Variants in FXN observed in about 807,000 individuals in gnomAD.
The protein encoded by FXN is frataxin, also known as frataxin, mitochondrial.
Under a neutral mutation model 22.4 loss-of-function variants are expected in FXN, and 14 were observed. That is an observed-to-expected ratio of 0.62 (90% confidence interval 0.41 to 0.98). FXN has a LOEUF of 0.98. FXN is among the 50% of genes least tolerant of loss of function. The probability of loss-of-function intolerance (pLI) is 0.00; values close to 1 mark genes in which losing one functional copy is unlikely to be tolerated. For missense variants in FXN, 267 were observed against 268.4 expected (o/e 0.99, Z 0.04); for synonymous variants, 120 against 114.1 (o/e 1.05, Z -0.33).
At chr9:69,051,523 A>G (rs915203306) in intron 2 of FXN, among the ~76,000 whole-genome samples, 1 of 152,136 alleles carries the variant, frequency 6.6e-6, no homozygotes, top group Non-Finnish European at 1.5e-5. Flanking sequence ...CATTTTAGAT[A>G]CAGAAAATTC....
intron 1 of FXN, among the ~76,000 whole-genome samples, chr9:69,045,706 C>CA (rs1282605143): frequency 6.6e-6 from 1 of 152,028 alleles, no homozygotes. Flanking sequence ...GGCCTGGTAC[C>CA]AAAAAAAGTG....
chr9:69,037,261 TAA>T (rs1408508316), intron 1 of FXN, among the ~76,000 whole-genome samples: 1 of 18,880 alleles, frequency 5.3e-5, no homozygotes, highest in Non-Finnish European at 1.2e-4. Context: ...CAGTATCTAC[TAA>T]AAAATACAAA....
At position 69,074,825 on chromosome 9, in the gene FXN, TGA is replaced by T; in HGVS notation, c.*2065_*2066del. 1 of 968,958 alleles carries T rather than the reference TGA, an allele frequency of 1.0e-6. No homozygotes were observed. Among genetic ancestry groups the T allele is most frequent in the Non-Finnish European group, 1.2e-6 (1 of 814,848 alleles). The allele number at this position is 968,958 out of a possible 1,614,324, so 60.0% of individuals were successfully genotyped here. On this transcript the variant is annotated 3_prime_UTR_variant, in exon 5 of 5. Coordinates refer to ENST00000484259, the MANE Select transcript of FXN (RefSeq NM_000144.5). Reference sequence around the variant, plus strand: ...TTTTTTCTGAAATAAAATTATTTTTTGAGTCTGATGGAAATGTTTAAGTGCAG... The same window carrying T: ...TTTTTTCTGAAATAAAATTATTTTTTGTCTGATGGAAATGTTTAAGTGCAG...
intron 3 of FXN, among the ~76,000 whole-genome samples, chr9:69,063,512 A>G (rs1302943144): frequency 2.4e-4 from 37 of 152,302 alleles, no homozygotes; most frequent in Admixed American, 2.4e-3. Context: ...TATTTTTATC[A>G]GTGTCTGCAT....
chr9:69,064,926 C>T lies in FXN; in HGVS notation c.385-12C>T, dbSNP rs1384925303. The T allele has an allele frequency of 3.1e-5, 48 of 1,551,736 alleles. 1 individual carries two copies. The East Asian group carries it at 9.9e-4, about 32-fold the overall frequency. On this transcript the variant is annotated splice_polypyrimidine_tract_variant and intron_variant, in intron 3 of 4. Coordinates refer to ENST00000484259, the MANE Select transcript of FXN (RefSeq NM_000144.5). ...TAATTTCTTTATGCTTTTTTTCCACCTAATCCCCTAGAGTGGTGTCTTAAC... is the reference window on the plus strand; with the variant it reads ...TAATTTCTTTATGCTTTTTTTCCACTTAATCCCCTAGAGTGGTGTCTTAAC...
chr9:69,039,271 G>T (rs941719692), intron 1 of FXN, among the ~76,000 whole-genome samples: 2 of 149,502 alleles, frequency 1.3e-5, no homozygotes, highest in Non-Finnish European at 3.0e-5. Context: ...AAAAAAAAAG[G>T]CTCCTAATAA....
intron 4 of FXN, among the ~76,000 whole-genome samples, chr9:69,069,370 G>A (rs978957009): frequency 6.6e-6 from 1 of 151,434 alleles, no homozygotes; most frequent in Non-Finnish European, 1.5e-5. Flanking sequence ...CTCAAAAAAA[G>A]GAGGAGAAGA....
At chr9:69,048,650 C>T (rs1831800995) in intron 2 of FXN, among the ~76,000 whole-genome samples, 1 of 152,080 alleles carries the variant, frequency 6.6e-6, no homozygotes, top group African/African-American at 2.4e-5. Flanking sequence ...TTTGACTTTC[C>T]ACGTTTGTGC....
In FXN at chr9:69,076,323, G is replaced by A. The variant is rs10781379; in HGVS notation, c.*3561G>A. ...GAGAAGTACTCAGTTCATGACAACT[G>A]TTGTTCTCACATGCATAGCATAATT... On this transcript the variant is annotated 3_prime_UTR_variant, in exon 5 of 5. Transcript: ENST00000484259. The A allele has an allele frequency of 0.47, 464,746 of 984,202 alleles. 110,925 individuals are homozygous for A. Among genetic ancestry groups the A allele is most frequent in the East Asian group, 0.65 (5,707 of 8,782 alleles). The allele number at this position is 984,202 out of a possible 1,614,324, so 61.0% of individuals were successfully genotyped here. A position where few individuals can be genotyped will look rare whatever the true frequency, so the allele number is the denominator to read the frequency against.
At chr9:69,045,845 T>G (rs928817282) in intron 1 of FXN, among the ~76,000 whole-genome samples, 2 of 146,172 alleles carry the variant, frequency 1.4e-5, no homozygotes, top group Non-Finnish European at 1.5e-5. Context: ...CAAGGGCAAG[T>G]GGGGGGGTCC....
intron 1 of FXN, among the ~76,000 whole-genome samples, chr9:69,040,618 A>G (rs2133094600): frequency 6.6e-6 from 1 of 152,300 alleles, no homozygotes; most frequent in South Asian, 2.1e-4. Context: ...CAGTGATCCG[A>G]GATCGTGCCA....
At chr9:69,050,072 A>G (rs1487854016) in intron 2 of FXN, among the ~76,000 whole-genome samples, 1 of 152,204 alleles carries the variant, frequency 6.6e-6, no homozygotes, top group Non-Finnish European at 1.5e-5. Context: ...CCTTCAGAGT[A>G]ACTATTCTGA....
intron 3 of FXN, among the ~76,000 whole-genome samples, chr9:69,059,566 ATT>A (rs34794915): frequency 6.7e-5 from 10 of 148,986 alleles, no homozygotes; most frequent in East Asian, 2.0e-4. Context: ...TGTCCAGCTA[ATT>A]TTTTTTTTTG....
chr9:69,064,994 G>A lies in FXN; in HGVS notation c.441G>A (p.Lys147=). The A allele has an allele frequency of 6.2e-7, 1 of 1,613,860 alleles. No individual in the cohort carries two copies. The highest frequency in any genetic ancestry group is 1.7e-5 in the Admixed American group (1 of 60,010). ...GGDLGTYVIN[K]QTPNKQIWLS... ...ATCTAGGAACCTATGTGATCAACAA[G>A]CAGACGCCAAACAAGCAAATCTGGC... Residue 147 remains lysine (K), a synonymous_variant, in exon 4 of 5, where the codon AAG becomes AAA. Transcript: ENST00000484259.
intron 3 of FXN, among the ~76,000 whole-genome samples, chr9:69,058,413 G>A (rs1428984049): frequency 6.6e-6 from 1 of 151,824 alleles, no homozygotes; most frequent in Non-Finnish European, 1.5e-5. Context: ...TTTCCCAGGT[G>A]GAGTCCTGGC....
At chr9:69,068,223 G>A (rs1587829842) in intron 4 of FXN, among the ~76,000 whole-genome samples, 1 of 152,322 alleles carries the variant, frequency 6.6e-6, no homozygotes, top group Non-Finnish European at 1.5e-5. Context: ...CTGTGCTGTA[G>A]GGCCAGGTGG....
In FXN at chr9:69,035,951, A is replaced by T; in HGVS notation, c.165+4A>T. On this transcript the variant is annotated splice_donor_region_variant and intron_variant, in intron 1 of 4. Transcript: ENST00000484259. ...GACCTGCACGCCCCGCCGCGCAGTA[A>T]GTATCCGCGCCGGGAACAGCCGCGG... 2 of 1,462,152 alleles carry T rather than the reference A, an allele frequency of 1.4e-6. No homozygotes were observed. The allele number at this position is 1,462,152 out of a possible 1,614,324, so 90.6% of individuals were successfully genotyped here. A position where few individuals can be genotyped will look rare whatever the true frequency, so the allele number is the denominator to read the frequency against.
chr9:69,064,557 AT>A (rs929659036), intron 3 of FXN, among the ~76,000 whole-genome samples: 3 of 152,008 alleles, frequency 2.0e-5, no homozygotes, highest in African/African-American at 4.8e-5. Context: ...TAGAGTCTGC[AT>A]TTTTTTTATG....
At chr9:69,052,076 G>T (rs1045984833) in intron 2 of FXN, among the ~76,000 whole-genome samples, 1 of 151,858 alleles carries the variant, frequency 6.6e-6, no homozygotes, top group Non-Finnish European at 1.5e-5. Flanking sequence ...TTGAACTCCT[G>T]ACCTCAGGTG....
Sources: gnomAD v4.1 joint callset for allele counts (sites outside exome capture counted in the v4.1 genomes callset) on GRCh38, gnomAD v4.1.1 for gene constraint, MANE v1.5 for transcripts, NCBI Gene and HGNC (gene_info 2026-07-23, HGNC 2026-07-21) for gene names.